The following CSMD1 variants were observed in gnomAD, a reference collection of about 807,000 sequenced individuals.
CSMD1 encodes the protein CUB and Sushi multiple domains 1.
A neutral mutation model predicts 417.5 loss-of-function variants in CSMD1; 213 were observed. The observed-to-expected ratio is 0.51, with a 90% confidence interval of 0.46 to 0.57. The LOEUF is 0.57. CSMD1 is among the 20% of genes least tolerant of loss of function. The pLI is 0.00. For missense variants in CSMD1, 6,923 were observed against 4,529.7 expected (o/e 1.53, Z -15.17); for synonymous variants, 2,862 against 1,736.8 (o/e 1.65, Z -16.11).
chr8:4,449,211 A>G (rs985717416), intron 2 of CSMD1, among the ~76,000 whole-genome samples: 2 of 152,144 alleles, frequency 1.3e-5, no homozygotes, highest in African/African-American at 4.8e-5. Flanking sequence ...TTTTACTTCT[A>G]TTTTCTCAGA....
At chr8:3,972,840 T>G (rs1185920343) in intron 5 of CSMD1, among the ~76,000 whole-genome samples, 1 of 152,098 alleles carries the variant, frequency 6.6e-6, no homozygotes, top group Non-Finnish European at 1.5e-5. Flanking sequence ...TCTTTGACAT[T>G]TACCTCAGAA....
intron 6 of CSMD1, among the ~76,000 whole-genome samples, chr8:3,738,069 T>A (rs908336388): frequency 6.6e-6 from 1 of 152,232 alleles, no homozygotes; most frequent in Non-Finnish European, 1.5e-5. Context: ...CTAATGTAAA[T>A]GATTACTATA....
At chr8:4,483,943 C>T (rs1632076) in intron 2 of CSMD1, among the ~76,000 whole-genome samples, 136,086 of 152,186 alleles carry the variant, frequency 0.89, 60,896 homozygotes, top group Middle Eastern at 0.97. Flanking sequence ...TGTATAATGT[C>T]GTTGTCTCTC....
chr8:4,195,022 T>G (rs1799249682), intron 3 of CSMD1, among the ~76,000 whole-genome samples: 1 of 152,162 alleles, frequency 6.6e-6, no homozygotes, highest in Admixed American at 6.5e-5. Context: ...CATTGTAACT[T>G]TTTTCACTAT....
At chr8:3,257,061 C>A (rs1237887966) in intron 26 of CSMD1, among the ~76,000 whole-genome samples, 1 of 152,170 alleles carries the variant, frequency 6.6e-6, no homozygotes. Context: ...GTGGCTCATG[C>A]CTGTAATCCC....
intron 1 of CSMD1, among the ~76,000 whole-genome samples, chr8:4,910,001 A>T (rs1336753836): frequency 1.3e-5 from 2 of 152,214 alleles, no homozygotes; most frequent in African/African-American, 4.8e-5. Flanking sequence ...TTTATCAATG[A>T]TTGAAATGTT....
At chr8:3,349,680 T>A (rs981319296) in intron 21 of CSMD1, among the ~76,000 whole-genome samples, 1 of 149,330 alleles carries the variant, frequency 6.7e-6, no homozygotes, top group African/African-American at 2.4e-5. Context: ...AAAATCATTT[T>A]AAAAGAGAAA....
intron 18 of CSMD1, among the ~76,000 whole-genome samples, chr8:3,381,244 T>C (rs1810608997): frequency 6.6e-6 from 1 of 151,834 alleles, no homozygotes; most frequent in African/African-American, 2.4e-5. Flanking sequence ...CCCATGTCGG[T>C]ACCTGTTCAA....
intron 10 of CSMD1, among the ~76,000 whole-genome samples, chr8:3,510,922 C>A (rs1305065973): frequency 2.0e-5 from 3 of 151,720 alleles, no homozygotes; most frequent in Non-Finnish European, 4.4e-5. Flanking sequence ...GTCAGAGATA[C>A]ATGCACACGT....
chr8:3,305,045 T>A (rs1410437313), intron 25 of CSMD1, among the ~76,000 whole-genome samples: 4 of 152,270 alleles, frequency 2.6e-5, no homozygotes, highest in Non-Finnish European at 4.4e-5. Context: ...ATATTTAATT[T>A]AATTAATTTA....
chr8:4,274,390 C>T (rs1332452396), intron 3 of CSMD1, among the ~76,000 whole-genome samples: 3 of 152,128 alleles, frequency 2.0e-5, no homozygotes, highest in Admixed American at 6.6e-5. Flanking sequence ...AGATTTTAAA[C>T]ACTATCAACG....
intron 1 of CSMD1, among the ~76,000 whole-genome samples, chr8:4,687,537 T>C (rs752832001): frequency 2.0e-5 from 3 of 152,198 alleles, no homozygotes. Context: ...CTTGGTTTAT[T>C]TGGGAAATAA....
intron 5 of CSMD1, among the ~76,000 whole-genome samples, chr8:3,907,110 G>A (rs1037712048): frequency 6.6e-6 from 1 of 152,030 alleles, no homozygotes; most frequent in African/African-American, 2.4e-5. Flanking sequence ...CTTCTTCTTC[G>A]GCTTCCCACT....
intron 2 of CSMD1, among the ~76,000 whole-genome samples, chr8:4,620,017 A>G (rs544056048): frequency 2.6e-5 from 4 of 152,168 alleles, no homozygotes; most frequent in Non-Finnish European, 5.9e-5. Context: ...TTGATTTTAT[A>G]TATGCATTTT....
At chr8:4,746,956 T>A (rs1224865484) in intron 1 of CSMD1, among the ~76,000 whole-genome samples, 1 of 152,040 alleles carries the variant, frequency 6.6e-6, no homozygotes, top group East Asian at 1.9e-4. Context: ...CCATCCCAAA[T>A]TAGAGAGAGG....
intron 2 of CSMD1, among the ~76,000 whole-genome samples, chr8:4,540,876 C>A (rs1251910389): frequency 2.6e-5 from 4 of 152,112 alleles, no homozygotes; most frequent in African/African-American, 9.7e-5. Context: ...GGAAGTCTGA[C>A]TCTCCGCCAC....
intron 3 of CSMD1, among the ~76,000 whole-genome samples, chr8:4,270,282 C>T (rs1046207369): frequency 1.3e-5 from 2 of 152,152 alleles, no homozygotes; most frequent in African/African-American, 4.8e-5. Flanking sequence ...TAATTCACTA[C>T]AGTTACCTTC....
intron 5 of CSMD1, among the ~76,000 whole-genome samples, chr8:3,910,160 A>G (rs1261179357): frequency 6.6e-6 from 1 of 152,214 alleles, no homozygotes; most frequent in Non-Finnish European, 1.5e-5. Context: ...TATGTCGGAC[A>G]CATGTTACAT....
At chr8:3,391,018 T>G (rs1585094558) in intron 17 of CSMD1, among the ~76,000 whole-genome samples, 1 of 152,282 alleles carries the variant, frequency 6.6e-6, no homozygotes, top group East Asian at 1.9e-4. Flanking sequence ...TTTGCCTGCT[T>G]TTCTCCTCTC....
Sources: gnomAD v4.1 joint callset for allele counts (sites outside exome capture counted in the v4.1 genomes callset) on GRCh38, gnomAD v4.1.1 for gene constraint, MANE v1.5 for transcripts, NCBI Gene and HGNC (gene_info 2026-07-23, HGNC 2026-07-21) for gene names.